MNX1: variants seen among roughly 807,000 people sequenced by gnomAD.
MNX1 encodes the protein motor neuron and pancreas homeobox 1.
In MNX1, 2 loss-of-function variants were observed where a neutral mutation model predicts 17.3. That is an observed-to-expected ratio of 0.12 (90% CI 0.05 to 0.36). The LOEUF is 0.36. Ranked by LOEUF, MNX1 falls within the 10% of genes least tolerant of loss-of-function variation. The probability of loss-of-function intolerance (pLI) is 1.00; values close to 1 mark genes in which losing one functional copy is unlikely to be tolerated. For missense variants in MNX1, 556 were observed against 564.7 expected, an observed-to-expected ratio of 0.98 and a Z score of 0.16; for synonymous variants, 306 against 283.1, an observed-to-expected ratio of 1.08 and a Z score of -0.81.
chr7:157,006,442 G>T lies in MNX1; in HGVS notation c.852+37C>A. ...GTGCAAAGGTAACAGTGTCCCCTGGGAGGCCGGGATGCGTCGGGGGCGGGG... is the reference window on the plus strand; with the variant it reads ...GTGCAAAGGTAACAGTGTCCCCTGGTAGGCCGGGATGCGTCGGGGGCGGGG... On this transcript the variant is annotated intron_variant, in intron 2 of 2. Transcript: ENST00000252971. This position sits in a 1 kb window ranked among gnomAD's most constrained non-coding sequence, Gnocchi z 6.3. 1 of 1,599,114 alleles carries T rather than the reference G, an allele frequency of 6.3e-7. No homozygotes were observed. The highest frequency in any genetic ancestry group is 1.1e-5 in the South Asian group (1 of 88,368).
Position 157,010,382 on chromosome 7 carries a change from G to T in MNX1, c.-32C>A. ...GTTTGGGGCTGGCGCTCAGGGCCCG[G>T]TGGCGGGCGACGCGGCCGTGTGCGG... On this transcript the variant is annotated 5_prime_UTR_variant, in exon 1 of 3. Transcript: ENST00000252971. 2 of 1,548,614 alleles carry T rather than the reference G, an allele frequency of 1.3e-6. No homozygotes were observed. The highest frequency in any genetic ancestry group is 1.7e-6 in the Non-Finnish European group (2 of 1,143,168).
At chr7:157,008,947 G>T in intron 1 of MNX1, 1 of 1,523,002 alleles carries the variant, frequency 6.6e-7, no homozygotes, top group Middle Eastern at 1.7e-4. Flanking sequence ...CGGCTCTGGG[G>T]TGGGGAGAAC....
At chr7:157,009,558 C>G in intron 1 of MNX1, 102 bp downstream of exon 1, 10 of 1,519,640 alleles carry the variant, frequency 6.6e-6, no homozygotes, top group Non-Finnish European at 8.9e-6. Flanking sequence ...AGCTCTTCCC[C>G]CGCTCGCTGG....
Position 157,009,559 on chromosome 7 carries a change from C to G in MNX1, c.691+101G>C, listed in dbSNP as rs915556726. Reference sequence around the variant, plus strand: ...CGAGGCGGCTTCGCAGCTCTTCCCCCGCTCGCTGGGAGCCAAGCGCAGAGA... The same window carrying G: ...CGAGGCGGCTTCGCAGCTCTTCCCCGGCTCGCTGGGAGCCAAGCGCAGAGA... On this transcript the variant is annotated intron_variant, in intron 1 of 2. Coordinates refer to ENST00000252971, the MANE Select transcript of MNX1 (RefSeq NM_005515.4). The G allele has an allele frequency of 1.1e-5, 16 of 1,519,262 alleles. No homozygotes were observed. In the South Asian group the frequency reaches 1.2e-4, roughly 12 times the overall value. The allele number at this position is 1,519,262 out of a possible 1,614,324, so 94.1% of individuals were successfully genotyped here.
Position 157,005,085 on chromosome 7 carries a change from G to A in MNX1, c.*435C>T, listed in dbSNP as rs1010032943. On this transcript the variant is annotated 3_prime_UTR_variant, in exon 3 of 3. Coordinates refer to ENST00000252971, the MANE Select transcript of MNX1 (RefSeq NM_005515.4). ...TCTTTTTCCAAATACTCTGCAGAATGGCGGCTCCAGAGGCGGTTTCAAGTT... is the reference window on the plus strand; with the variant it reads ...TCTTTTTCCAAATACTCTGCAGAATAGCGGCTCCAGAGGCGGTTTCAAGTT... The A allele has an allele frequency of 4.4e-6, 1 of 227,014 alleles. No individual in the cohort carries two copies. The highest frequency in any genetic ancestry group is 2.2e-5 in the African/African-American group (1 of 44,854). 14.1% of individuals were successfully genotyped at this position (227,014 alleles called of 1,614,324 possible).
In MNX1 at chr7:157,010,241, G is replaced by C; in HGVS notation, c.110C>G (p.Ala37Gly). The change falls in exon 1 of 3, where the codon GCC (alanine) becomes GGC (glycine). Residue 37 changes from alanine to glycine, a missense_variant. By Grantham distance (60) the Ala-to-Gly change is moderately conservative. Transcript: ENST00000252971. ...GCCGCCACCTCCGGTGCCAGATGCG[G>C]CGGCGGCGAGCGACGTGACCAAGGC... ...PLALVTSLAAAASGTGGGGGG... is the reference protein window; with the variant it reads ...PLALVTSLAAGASGTGGGGGG... 1.5e-6 allele frequency: 2 copies of C among 1,365,544 alleles called. No individual in the cohort carries two copies. The highest frequency in any genetic ancestry group is 1.9e-6 in the Non-Finnish European group (2 of 1,049,722). 84.6% of individuals were successfully genotyped at this position (1,365,544 alleles called of 1,614,324 possible). A position where few individuals can be genotyped will look rare whatever the true frequency, so the allele number is the denominator to read the frequency against.
chr7:157,010,020 C>T lies in MNX1; in HGVS notation c.331G>A (p.Gly111Arg). ...GGATGCGCGTGGTGGTGGGGCCCCC[C>T]GTGCCCGCCGCCCGTGCCGCCGCCG... is the stretch of plus-strand genomic sequence containing the variant. Reference protein sequence around the residue: ...GGGGGTGGGHGGPHHHAHPGA... With the variant: ...GGGGGTGGGHRGPHHHAHPGA... Residue 111 changes from glycine (G) to arginine (R), a missense_variant, in exon 1 of 3, where the codon GGG becomes AGG. By Grantham distance (125) the Gly-to-Arg change is moderately radical (BLOSUM62 -2). Coordinates refer to ENST00000252971, the MANE Select transcript of MNX1 (RefSeq NM_005515.4). The T allele has an allele frequency of 7.1e-6, 7 of 985,278 alleles. No individual in the cohort carries two copies. Among genetic ancestry groups the T allele is most frequent in the African/African-American group, 1.9e-5 (1 of 53,744 alleles). The allele number at this position is 985,278 out of a possible 1,614,324, so 61.0% of individuals were successfully genotyped here. A position where few individuals can be genotyped will look rare whatever the true frequency, so the allele number is the denominator to read the frequency against.
At chr7:157,008,003 C>T (rs1295603288) in intron 1 of MNX1, 4 of 152,390 alleles carry the variant, frequency 2.6e-5, no homozygotes, top group Non-Finnish European at 4.4e-5. Context: ...GAACACATTC[C>T]GCCGTCTTTG....
intron 2 of MNX1, 84 bp from the exon 3 acceptor site, chr7:157,005,957 G>T: frequency 6.6e-7 from 1 of 1,515,350 alleles, no homozygotes; most frequent in South Asian, 1.1e-5. Flanking sequence ...GCGTGCGCCT[G>T]GGCCCCATTG....
chr7:157,006,412 C>A lies in MNX1; in HGVS notation c.852+67G>T. On this transcript the variant is annotated intron_variant, in intron 2 of 2. Transcript: ENST00000252971. This position sits in a 1 kb window ranked among gnomAD's most constrained non-coding sequence, Gnocchi z 6.3. ...TAGATGCCTCAGACCGCCCGTGGGT[C>A]ACAAGTGCAAAGGTAACAGTGTCCC... The A allele has an allele frequency of 1.3e-6, 2 of 1,541,260 alleles. No individual in the cohort carries two copies. The highest frequency in any genetic ancestry group is 1.2e-5 in the South Asian group (1 of 84,516).
intron 1 of MNX1, chr7:157,008,809 A>G: frequency 1.6e-6 from 1 of 616,068 alleles, no homozygotes; most frequent in South Asian, 2.0e-5. Flanking sequence ...GGGGAGAGCC[A>G]GAGCCCCAGA....
In MNX1 at chr7:157,006,473, G is replaced by T. The variant is rs751908396; in HGVS notation, c.852+6C>A. On this transcript the variant is annotated splice_donor_region_variant and intron_variant, in intron 2 of 2. Coordinates refer to ENST00000252971, the MANE Select transcript of MNX1 (RefSeq NM_005515.4). This position sits in a 1 kb window ranked among gnomAD's most constrained non-coding sequence, Gnocchi z 6.3. ...GGGATGCGTCGGGGGCGGGGAGGGC[G>T]CGCACCTGGGTCTCGGTGAGCATGA... is the stretch of plus-strand genomic sequence containing the variant. 1.2e-6 allele frequency: 2 copies of T among 1,608,534 alleles called. No individual in the cohort carries two copies. The highest frequency in any genetic ancestry group is 1.7e-6 in the Non-Finnish European group (2 of 1,178,614).
chr7:157,006,336 C>T lies in MNX1; in HGVS notation c.852+143G>A. ...GAAGCTACTGAATCGGCGCTCTGGG[C>T]ACCTTAGATGAACCCGTGCGCCCGC... On this transcript the variant is annotated intron_variant, in intron 2 of 2. Transcript: ENST00000252971. This position sits in a 1 kb window ranked among gnomAD's most constrained non-coding sequence, Gnocchi z 6.3. 1 of 885,720 alleles carries T rather than the reference C, an allele frequency of 1.1e-6. No individual in the cohort carries two copies. The highest frequency in any genetic ancestry group is 1.7e-6 in the Non-Finnish European group (1 of 594,076). 54.9% of individuals were successfully genotyped at this position (885,720 alleles called of 1,614,324 possible).
At chr7:157,009,584 A>G in intron 1 of MNX1, 76 bp downstream of exon 1, 1 of 1,560,004 alleles carries the variant, frequency 6.4e-7, no homozygotes, top group East Asian at 2.3e-5. Flanking sequence ...AAGCGCAGAG[A>G]GGGGCAGGCG....
rs948187989 is a variant in MNX1, at chr7:157,005,427, G to T, written c.*93C>A. 4.3e-6 allele frequency: 4 copies of T among 931,284 alleles called. No homozygotes were observed. Among genetic ancestry groups the T allele is most frequent in the Non-Finnish European group, 5.5e-6 (4 of 731,908 alleles). 57.7% of individuals were successfully genotyped at this position (931,284 alleles called of 1,614,324 possible). Reference sequence around the variant, plus strand: ...GGCGGCGGTCGAGCCTGCTCTCGGGGCCGGGCCGGGTGGGTGCGGGCGCCG... The same window carrying T: ...GGCGGCGGTCGAGCCTGCTCTCGGGTCCGGGCCGGGTGGGTGCGGGCGCCG... On this transcript the variant is annotated 3_prime_UTR_variant, in exon 3 of 3. Transcript: ENST00000252971.
In MNX1 at chr7:157,010,134, G is replaced by A. The variant is rs1206542416; in HGVS notation, c.217C>T (p.Leu73=). The change falls in exon 1 of 3, where the codon CTG becomes TTG. Residue 73 remains leucine (L), a synonymous_variant. Transcript: ENST00000252971. The stretch of plus-strand genomic sequence containing the variant: ...GGCGGCGACGGGCTCTCGGCGCGCA[G>A]GCGGTCGGCGGGCGCAGCCGGCGGC... ...SEPPAAPADR[L]RAESPSPPRL... 6 of 1,031,402 alleles carry A rather than the reference G, an allele frequency of 5.8e-6. No individual in the cohort carries two copies. In the East Asian group the frequency reaches 4.1e-4, roughly 71 times the overall value. The allele number at this position is 1,031,402 out of a possible 1,614,324, so 63.9% of individuals were successfully genotyped here.
rs763608839 is a variant in MNX1, at chr7:157,005,634, G to GTCGTCC, written c.1086_1091dup (p.Glu362_Asp363dup). ...CGTTGCTGTAGGGGAAATGGTCCTCGTCGTCCTCGTCCTCGTCCTCCTCGG... is the reference window on the plus strand; with the variant it reads ...CGTTGCTGTAGGGGAAATGGTCCTCGTCGTCCTCGTCCTCGTCCTCGTCCTCCTCGG... On this transcript the variant is annotated inframe_insertion, in exon 3 of 3. Coordinates refer to ENST00000252971, the MANE Select transcript of MNX1 (RefSeq NM_005515.4). 30 of 1,609,506 alleles carry GTCGTCC rather than the reference G, an allele frequency of 1.9e-5. No homozygotes were observed. Among genetic ancestry groups the GTCGTCC allele is most frequent in the Admixed American group, 5.0e-5 (3 of 59,810 alleles).
rs1805604349 is a variant in MNX1, at chr7:157,006,615, C to G, written c.716G>C (p.Gly239Ala). 1.9e-6 allele frequency: 3 copies of G among 1,600,500 alleles called. No homozygotes were observed. Among genetic ancestry groups the G allele is most frequent in the African/African-American group, 1.3e-5 (1 of 74,804 alleles). The change falls in exon 2 of 3, where the codon GGG (glycine) becomes GCG (alanine). Residue 239 changes from glycine (G) to alanine (A), a missense_variant. Transcript: ENST00000252971. This position sits in a 1 kb window ranked among gnomAD's most constrained non-coding sequence, Gnocchi z 6.3. ...GGCGGTGCGCGGCCGGCGGCACTTC[C>G]CCAGGAGGTTCGACTGCGCCTGGGC... ...FNSQAQSNLL[G>A]KCRRPRTAFT...
Position 157,005,552 on chromosome 7 carries a change from G to C in MNX1, c.1174C>G (p.Pro392Ala), listed in dbSNP as rs762294250. The C allele has an allele frequency of 3.2e-6, 5 of 1,550,470 alleles. No homozygotes were observed. Among genetic ancestry groups the C allele is most frequent in the Non-Finnish European group, 4.3e-6 (5 of 1,153,468 alleles). ...DCSSEDDSPP[P>A]RPSHQPAPQ is the part of the protein sequence containing the mutation. ...GGCGCGGGCTGGTGGCTGGGCCGCG[G>C]GGGCGGCGAGTCGTCCTCCGAGGAG... The change falls in exon 3 of 3, where the codon CCG becomes GCG. Residue 392 changes from proline to alanine, a missense_variant. By Grantham distance (27) the Pro-to-Ala change is conservative (BLOSUM62 -1). This residue lies in a region of MNX1 where 178 missense variants were observed against 155.2 expected (regional missense o/e 1.15). Coordinates refer to ENST00000252971, the MANE Select transcript of MNX1 (RefSeq NM_005515.4).
Sources: gnomAD v4.1 joint callset for allele counts on GRCh38, gnomAD v4.1.1 for gene constraint, gnomAD v4.1.1 regional missense constraint, Gnocchi (gnomAD v3.1) non-coding constraint, MANE v1.5 for transcripts, NCBI Gene and HGNC (gene_info 2026-07-23, HGNC 2026-07-21) for gene names.